Variants in SMAD6 observed in about 807,000 individuals in gnomAD.
The protein encoded by SMAD6 is MAD homolog 6.
Under a neutral mutation model 39.4 loss-of-function variants are expected in SMAD6, and 103 were observed. The observed-to-expected ratio is 2.62, with a 90% CI of 2.23 to 3.08. The LOEUF (loss-of-function observed/expected upper bound fraction) is 3.08, where lower values mean the gene tolerates loss of function less well. SMAD6 is among the 30% of genes most tolerant of loss of function. The pLI, the probability that SMAD6 is intolerant of heterozygous loss-of-function variation, is 0.00. For synonymous variants in SMAD6, 445 were observed against 353.3 expected (o/e 1.26, Z -2.91); for missense variants, 1,104 against 742.9 (o/e 1.49, Z -5.65).
At chr15:66,728,434 T>G (rs1166581668) in intron 3 of SMAD6, among the ~76,000 whole-genome samples, 4 of 151,538 alleles carry the variant, frequency 2.6e-5, no homozygotes, top group African/African-American at 7.3e-5. Context: ...TGAGGTGGAG[T>G]CTGGTTCTGT....
intron 3 of SMAD6, among the ~76,000 whole-genome samples, chr15:66,764,738 T>C (rs1894260183): frequency 6.6e-6 from 1 of 152,178 alleles, no homozygotes; most frequent in Non-Finnish European, 1.5e-5. Flanking sequence ...CACGTAAGTG[T>C]TCGTCCTTGC....
At chr15:66,754,566 A>G (rs1463204787) in intron 3 of SMAD6, among the ~76,000 whole-genome samples, 3 of 152,032 alleles carry the variant, frequency 2.0e-5, no homozygotes, top group Admixed American at 1.3e-4. Flanking sequence ...TCATTTTCAT[A>G]CCATTTAGTG....
At chr15:66,725,267 T>C (rs115199029) in intron 3 of SMAD6, among the ~76,000 whole-genome samples, 35 of 152,242 alleles carry the variant, frequency 2.3e-4, no homozygotes, top group African/African-American at 8.2e-4. Flanking sequence ...ATTCCTGATA[T>C]TCATGGCCCG....
chr15:66,758,971 A>G (rs777189226), intron 3 of SMAD6, among the ~76,000 whole-genome samples: 1 of 152,236 alleles, frequency 6.6e-6, no homozygotes, highest in Non-Finnish European at 1.5e-5. Context: ...CTTTTTCTGT[A>G]AAATGGATAG....
chr15:66,772,160 C>T (rs1894390014), intron 3 of SMAD6, among the ~76,000 whole-genome samples: 1 of 152,192 alleles, frequency 6.6e-6, no homozygotes, highest in Non-Finnish European at 1.5e-5. Flanking sequence ...TGGGATTTTG[C>T]AGCCCACAGG....
intron 3 of SMAD6, among the ~76,000 whole-genome samples, chr15:66,718,651 G>A (rs893404644): frequency 1.3e-5 from 2 of 152,162 alleles, no homozygotes; most frequent in African/African-American, 4.8e-5. Context: ...TGCGTGGAAT[G>A]TTCCCCGCTG....
intron 3 of SMAD6, among the ~76,000 whole-genome samples, chr15:66,758,235 C>A (rs183131070): frequency 1.3e-5 from 2 of 152,196 alleles, no homozygotes; most frequent in Non-Finnish European, 2.9e-5. Flanking sequence ...GACATTCTCT[C>A]TATATAGAAT....
At chr15:66,737,315 C>CCA (rs1056814218) in intron 3 of SMAD6, among the ~76,000 whole-genome samples, 1 of 152,174 alleles carries the variant, frequency 6.6e-6, no homozygotes, top group Non-Finnish European at 1.5e-5. Flanking sequence ...TCTGAAGGTC[C>CCA]CACACATATC....
intron 3 of SMAD6, among the ~76,000 whole-genome samples, chr15:66,754,363 G>A (rs919301010): frequency 6.6e-5 from 10 of 152,182 alleles, no homozygotes; most frequent in Admixed American, 2.0e-4. Context: ...GGTATTCAGG[G>A]GTTCATACTT....
At chr15:66,741,978 T>C (rs940968690) in intron 3 of SMAD6, among the ~76,000 whole-genome samples, 6 of 152,282 alleles carry the variant, frequency 3.9e-5, no homozygotes, top group East Asian at 1.9e-4. Flanking sequence ...ATGAGAACTT[T>C]CTGAGAGGAG....
chr15:66,703,522 C>A lies in SMAD6; in HGVS notation c.264C>A (p.Gly88=), dbSNP rs547033777. 3 of 1,219,698 alleles carry A rather than the reference C, an allele frequency of 2.5e-6. No homozygotes were observed. The highest frequency in any genetic ancestry group is 4.4e-5 in the Admixed American group (1 of 22,920). 75.6% of individuals were successfully genotyped at this position (1,219,698 alleles called of 1,614,324 possible). The part of the protein sequence containing the change: ...QGAGRRRRAG[G]PPRPMSEPGA... ...CGGGGAGGCGCCGGCGCGCAGGGGG[C>A]CCCCCGAGGCCCATGTCGGAGCCAG... is the stretch of plus-strand genomic sequence containing the variant. Residue 88 remains glycine, a synonymous_variant, in exon 1 of 4, where the codon GGC becomes GGA. Transcript: ENST00000288840.
rs1200674320 is a variant in SMAD6, at chr15:66,703,252, A to G, written c.-7A>G. 2 of 1,429,718 alleles carry G rather than the reference A, an allele frequency of 1.4e-6. No homozygotes were observed. Among genetic ancestry groups the G allele is most frequent in the Admixed American group, 3.0e-5 (1 of 33,710 alleles). The allele number at this position is 1,429,718 out of a possible 1,614,324, so 88.6% of individuals were successfully genotyped here. A position where few individuals can be genotyped will look rare whatever the true frequency, so the allele number is the denominator to read the frequency against. ...TCCCCCCCACCCCTGGCGCCAAAGGATATCGTATGTTCAGGTCCAAACGCT... is the reference window on the plus strand; with the variant it reads ...TCCCCCCCACCCCTGGCGCCAAAGGGTATCGTATGTTCAGGTCCAAACGCT... On this transcript the variant is annotated 5_prime_UTR_variant, in exon 1 of 4. Coordinates refer to ENST00000288840, the MANE Select transcript of SMAD6 (RefSeq NM_005585.5).
intron 3 of SMAD6, among the ~76,000 whole-genome samples, chr15:66,750,582 A>G (rs186016376): frequency 7.4e-4 from 113 of 152,092 alleles, no homozygotes; most frequent in African/African-American, 2.6e-3. Flanking sequence ...CAGTTTTCCC[A>G]GGAGCAGACC....
chr15:66,755,743 T>G (rs1282410752), intron 3 of SMAD6, among the ~76,000 whole-genome samples: 2 of 152,322 alleles, frequency 1.3e-5, no homozygotes, highest in East Asian at 3.9e-4. Flanking sequence ...CCTGTCCTCC[T>G]CTCCACTGCT....
chr15:66,757,577 C>T (rs888418395), intron 3 of SMAD6, among the ~76,000 whole-genome samples: 1 of 152,176 alleles, frequency 6.6e-6, no homozygotes, highest in Admixed American at 6.5e-5. Flanking sequence ...GGCTGGTCTG[C>T]CTTGATGCCG....
At chr15:66,727,931 T>G (rs1023691081) in intron 3 of SMAD6, among the ~76,000 whole-genome samples, 1 of 151,876 alleles carries the variant, frequency 6.6e-6, no homozygotes, top group Non-Finnish European at 1.5e-5. Context: ...CCGCTCGCGG[T>G]AACCTCCGCC....
intron 3 of SMAD6, among the ~76,000 whole-genome samples, chr15:66,718,504 G>A (rs919867265): frequency 6.6e-6 from 1 of 152,194 alleles, no homozygotes; most frequent in African/African-American, 2.4e-5. Context: ...GGAAGGATTT[G>A]GGGAGGAAAT....
rs905363383 is a variant in SMAD6 at position 66,756,001 on chromosome 15, C to G, written c.953-24996C>G. 2.6e-5 allele frequency among the ~76,000 whole-genome samples: 4 copies of G among 151,308 alleles called. 1 individual carries two copies. The highest frequency in any genetic ancestry group is 2.6e-4 in the Admixed American group (4 of 15,186). On this transcript the variant is annotated intron_variant, in intron 3 of 3. Coordinates refer to ENST00000288840, the MANE Select transcript of SMAD6 (RefSeq NM_005585.5). The stretch of plus-strand genomic sequence containing the variant: ...CCTCCTGGAGGAAGGAAAAGATTCC[C>G]AGAGTTCTATGCTTCAAGTCATTTT...
chr15:66,703,690 C>G lies in SMAD6; in HGVS notation c.432C>G (p.Pro144=). The G allele has an allele frequency of 8.0e-7, 1 of 1,254,388 alleles. No homozygotes were observed. The highest frequency in any genetic ancestry group is 1.0e-6 in the Non-Finnish European group (1 of 997,868). The allele number at this position is 1,254,388 out of a possible 1,614,324, so 77.7% of individuals were successfully genotyped here. The change falls in exon 1 of 4, where the codon CCC becomes CCG. Residue 144 remains proline (P), a synonymous_variant. Coordinates refer to ENST00000288840, the MANE Select transcript of SMAD6 (RefSeq NM_005585.5). ...AAGAPRDASD[P]LAGAALEPAG... ...GCGCGCCCCGGGACGCCAGCGACCCCCTGGCCGGGGCGGCCCTGGAGCCGG... is the reference window on the plus strand; with the variant it reads ...GCGCGCCCCGGGACGCCAGCGACCCGCTGGCCGGGGCGGCCCTGGAGCCGG...
Sources: gnomAD v4.1 joint callset for allele counts (sites outside exome capture counted in the v4.1 genomes callset) on GRCh38, gnomAD v4.1.1 for gene constraint, MANE v1.5 for transcripts, NCBI Gene and HGNC (gene_info 2026-07-23, HGNC 2026-07-21) for gene names.